MAPK6: variants seen among roughly 807,000 people sequenced by gnomAD.
MAPK6 encodes the protein ERK-3.
A neutral mutation model predicts 59.3 loss-of-function variants in MAPK6; 19 were observed. The ratio of observed to expected loss-of-function variants is 0.32; its 90% CI spans 0.22 to 0.47. The LOEUF (loss-of-function observed/expected upper bound fraction) is 0.47. Among genes scored for constraint, MAPK6 ranks in the 20% least tolerant of loss-of-function variants. The probability of loss-of-function intolerance (pLI) is 1.00; values close to 1 mark genes in which losing one functional copy is unlikely to be tolerated. For synonymous variants in MAPK6, 316 were observed against 290.3 expected, an observed-to-expected ratio of 1.09 and a Z score of -0.90; for missense variants, 724 against 847.9, an observed-to-expected ratio of 0.85 and a Z score of 1.81.
chr15:52,039,275 G>A (rs980953515), intron 1 of MAPK6, among the ~76,000 whole-genome samples: 6 of 152,144 alleles, frequency 3.9e-5, no homozygotes, highest in Non-Finnish European at 8.8e-5. Context: ...GAGCCACCAC[G>A]CCTGGCTGTA....
At chr15:51,980,834 C>G (rs2057170793) in intron 1 of MAPK6, among the ~76,000 whole-genome samples, 1 of 151,318 alleles carries the variant, frequency 6.6e-6, no homozygotes, top group Middle Eastern at 3.4e-3. Flanking sequence ...TCAGGTGGTC[C>G]GCCCACCTCA....
At chr15:52,061,914 A>G (rs1428528890) in intron 5 of MAPK6, among the ~76,000 whole-genome samples, 2 of 152,158 alleles carry the variant, frequency 1.3e-5, no homozygotes, top group African/African-American at 2.4e-5. Context: ...TCATTAAGGC[A>G]TATTTATAAA....
At chr15:52,062,251 T>C (rs956365067) in intron 5 of MAPK6, among the ~76,000 whole-genome samples, 1 of 151,310 alleles carries the variant, frequency 6.6e-6, no homozygotes, top group Non-Finnish European at 1.5e-5. Flanking sequence ...GGTCTCGAAC[T>C]CCTGACCTCA....
intron 2 of MAPK6, among the ~76,000 whole-genome samples, chr15:51,984,001 T>A (rs927588768): frequency 6.9e-6 from 1 of 144,944 alleles, no homozygotes; most frequent in African/African-American, 2.7e-5. Flanking sequence ...AAAAAAAAAA[T>A]CCAGTCTAGA....
chr15:52,052,179 A>T (rs2031805172), intron 3 of MAPK6, among the ~76,000 whole-genome samples: 1 of 152,150 alleles, frequency 6.6e-6, no homozygotes, highest in Admixed American at 6.5e-5. Context: ...CTCAGTCAAG[A>T]TGTTGGTAAG....
chr15:51,999,084 C>A (rs147584186), intron 2 of MAPK6, among the ~76,000 whole-genome samples: 1 of 151,576 alleles, frequency 6.6e-6, no homozygotes, highest in African/African-American at 2.4e-5. Context: ...CCGCCTCCAC[C>A]TCCCGAGTTC....
intron 2 of MAPK6, among the ~76,000 whole-genome samples, chr15:51,986,677 C>G (rs2057192088): frequency 6.6e-6 from 1 of 152,178 alleles, no homozygotes; most frequent in African/African-American, 2.4e-5. Flanking sequence ...ATATGACTAT[C>G]TTAAAATATG....
intron 1 of MAPK6, among the ~76,000 whole-genome samples, chr15:51,973,805 A>G (rs1002230723): frequency 2.6e-5 from 4 of 151,778 alleles, no homozygotes; most frequent in Non-Finnish European, 5.9e-5. Flanking sequence ...GGCATGCGCC[A>G]CCATATCCGG....
chr15:52,031,263 C>A (rs2031022615), intron 1 of MAPK6, among the ~76,000 whole-genome samples: 1 of 152,076 alleles, frequency 6.6e-6, no homozygotes, highest in Admixed American at 6.6e-5. Context: ...AGGAAATATA[C>A]TCTACTCAAA....
chr15:52,007,493 A>T (rs749952403), intron 3 of MAPK6, among the ~76,000 whole-genome samples: 1 of 152,156 alleles, frequency 6.6e-6, no homozygotes, highest in Non-Finnish European at 1.5e-5. Context: ...ATTTAATGTT[A>T]TTCTACGTAA....
chr15:52,014,058 TTTCATCTGGGA>T lies in MAPK6; in HGVS notation c.-632+9659_-632+9669del, dbSNP rs571591454. ...TGCATGCTCATGTCTTTGTACATTC[TTTCATCTGGGA>T]TTTTTTTTTTTTTTCCAGATACTAC... On this transcript the variant is annotated intron_variant, in intron 3 of 7. Transcript: ENST00000691380. 2.7e-3 allele frequency among the ~76,000 whole-genome samples: 411 copies of T among 151,540 alleles called. 3 individuals carry two copies. Among genetic ancestry groups the T allele is most frequent in the African/African-American group, 9.3e-3 (383 of 41,052 alleles).
At chr15:52,039,086 C>T (rs2031332197) in intron 1 of MAPK6, among the ~76,000 whole-genome samples, 1 of 152,210 alleles carries the variant, frequency 6.6e-6, no homozygotes, top group African/African-American at 2.4e-5. Context: ...GATCTTGGCT[C>T]ACTGCAACCT....
chr15:52,036,794 T>C (rs1175286095), intron 1 of MAPK6, among the ~76,000 whole-genome samples: 1 of 152,048 alleles, frequency 6.6e-6, no homozygotes, highest in Non-Finnish European at 1.5e-5. Context: ...CCTTCCTTCC[T>C]TTTTCTTTCC....
At chr15:52,032,526 G>A (rs980909388) in intron 1 of MAPK6, among the ~76,000 whole-genome samples, 2 of 151,846 alleles carry the variant, frequency 1.3e-5, no homozygotes, top group African/African-American at 2.4e-5. Context: ...TTATATTTTC[G>A]AGATATTTAC....
chr15:52,003,908 C>G (rs1006678625), intron 2 of MAPK6, among the ~76,000 whole-genome samples: 1 of 152,220 alleles, frequency 6.6e-6, no homozygotes, highest in African/African-American at 2.4e-5. Flanking sequence ...AATTCCAAGA[C>G]TTCAGAATAG....
At chr15:51,997,370 C>G (rs1280774888) in intron 2 of MAPK6, among the ~76,000 whole-genome samples, 1 of 151,662 alleles carries the variant, frequency 6.6e-6, no homozygotes, top group East Asian at 1.9e-4. Flanking sequence ...CTCCCGGGTT[C>G]AAATGATTCT....
intron 1 of MAPK6, among the ~76,000 whole-genome samples, chr15:52,027,069 C>G (rs1217912191): frequency 6.6e-6 from 1 of 150,418 alleles, no homozygotes; most frequent in Non-Finnish European, 1.5e-5. Context: ...AAATGCCTGT[C>G]ACAGCCGGGC....
upstream of MAPK6, chr15:52,017,744 C>G (rs1468140632): frequency 1.3e-5 from 2 of 152,280 alleles, no homozygotes; most frequent in Non-Finnish European, 2.9e-5. Flanking sequence ...CTCCCACCTT[C>G]TCTGGGTGAT....
chr15:51,973,053 C>T (rs1410961168), intron 1 of MAPK6, among the ~76,000 whole-genome samples: 2 of 151,578 alleles, frequency 1.3e-5, no homozygotes, highest in African/African-American at 4.8e-5. Flanking sequence ...GTTACATTAC[C>T]TAATTAGGCC....
Sources: allele counts gnomAD v4.1 joint callset (sites outside exome capture counted in the v4.1 genomes callset), GRCh38; gene constraint gnomAD v4.1.1; transcripts MANE v1.5; gene names NCBI Gene and HGNC (gene_info 2026-07-23, HGNC 2026-07-21).